Variants in GPC5 observed in about 807,000 individuals in gnomAD.
GPC5 encodes the protein glypican 5.
GPC5 carries 47 observed loss-of-function variants against 53.9 expected under a neutral mutation model. That is an observed-to-expected ratio of 0.87 (90% CI 0.69 to 1.11). The LOEUF is 1.11. Ranked by LOEUF, GPC5 falls within the 50% of genes most tolerant of loss-of-function variation. GPC5 has a pLI of 0.00. For synonymous variants in GPC5, 286 were observed against 263.3 expected (o/e 1.09, Z -0.84); for missense variants, 748 against 713.1 (o/e 1.05, Z -0.56).
rs1220114171 is a variant in GPC5 at position 91,864,189 on chromosome 13, T to C, written c.1281-43748T>C. On this transcript the variant is annotated intron_variant, in intron 5 of 7. Transcript: ENST00000377067. ...AGAGTTTTGAAGATTGAGGGAAAGGTTGAGCTTAAGTAATTTGATGGGCAA... is the reference window on the plus strand; with the variant it reads ...AGAGTTTTGAAGATTGAGGGAAAGGCTGAGCTTAAGTAATTTGATGGGCAA... 3.9e-5 allele frequency among the ~76,000 whole-genome samples: 6 copies of C among 152,288 alleles called. No homozygotes were observed. The South Asian group carries it at 1.0e-3, about 26-fold the overall frequency.
At chr13:92,594,090 A>G (rs1371572760) in intron 7 of GPC5, among the ~76,000 whole-genome samples, 2 of 152,178 alleles carry the variant, frequency 1.3e-5, no homozygotes, top group Non-Finnish European at 2.9e-5. Context: ...TAGGCCAGAG[A>G]AGGTAAAATG....
intron 6 of GPC5, among the ~76,000 whole-genome samples, chr13:92,117,294 A>G (rs2041609192): frequency 6.6e-6 from 1 of 152,166 alleles, no homozygotes; most frequent in Non-Finnish European, 1.5e-5. Flanking sequence ...TCAGTTAACT[A>G]TATTTGTGTA....
intron 6 of GPC5, among the ~76,000 whole-genome samples, chr13:92,078,979 T>G (rs1320589740): frequency 6.6e-6 from 1 of 152,178 alleles, no homozygotes; most frequent in Admixed American, 6.6e-5. Flanking sequence ...TCCAGTTCCC[T>G]GGCCTCACTC....
At chr13:91,544,153 A>G (rs1298184780) in intron 2 of GPC5, among the ~76,000 whole-genome samples, 1 of 152,110 alleles carries the variant, frequency 6.6e-6, no homozygotes, top group East Asian at 1.9e-4. Flanking sequence ...ATAAGTTGGT[A>G]TAATTGGCTT....
intron 7 of GPC5, among the ~76,000 whole-genome samples, chr13:92,347,894 TATATATA>T (rs2043434773): frequency 1.0e-4 from 1 of 9,756 alleles, no homozygotes; most frequent in East Asian, 3.9e-3. Context: ...ATATATATTA[TATATATA>T]ATATATATAT....
intron 6 of GPC5, among the ~76,000 whole-genome samples, chr13:92,028,132 C>T (rs1048401021): frequency 1.3e-5 from 2 of 151,984 alleles, no homozygotes; most frequent in Admixed American, 6.6e-5. Flanking sequence ...TGTTTTAATC[C>T]GTATTTCAAA....
At chr13:91,747,369 C>T (rs529140858) in intron 4 of GPC5, among the ~76,000 whole-genome samples, 2 of 152,268 alleles carry the variant, frequency 1.3e-5, no homozygotes, top group South Asian at 4.1e-4. Context: ...AGCAATGAAG[C>T]AATAACTATG....
intron 7 of GPC5, among the ~76,000 whole-genome samples, chr13:92,639,599 A>G (rs1044564937): frequency 1.3e-5 from 2 of 152,236 alleles, no homozygotes; most frequent in African/African-American, 4.8e-5. Context: ...AAGATAATCT[A>G]TATAGTGCTC....
At chr13:92,116,460 T>C (rs1180176708) in intron 6 of GPC5, among the ~76,000 whole-genome samples, 1 of 152,216 alleles carries the variant, frequency 6.6e-6, no homozygotes, top group Non-Finnish European at 1.5e-5. Context: ...TTTGTGATTC[T>C]TTGTCATGGC....
chr13:92,460,016 C>T (rs907888051), intron 7 of GPC5, among the ~76,000 whole-genome samples: 3 of 151,942 alleles, frequency 2.0e-5, no homozygotes, highest in African/African-American at 7.3e-5. Flanking sequence ...ACAAAATATC[C>T]TGTAAATTAT....
chr13:91,408,043 C>A (rs181060393), intron 1 of GPC5, among the ~76,000 whole-genome samples: 4 of 152,238 alleles, frequency 2.6e-5, no homozygotes, highest in Admixed American at 1.3e-4. Context: ...CACCTAGTTA[C>A]CAATTTTGTT....
At chr13:92,435,533 G>A (rs1370370917) in intron 7 of GPC5, among the ~76,000 whole-genome samples, 1 of 152,106 alleles carries the variant, frequency 6.6e-6, no homozygotes, top group Non-Finnish European at 1.5e-5. Context: ...ATTTAAAAAG[G>A]TACTGACATC....
chr13:92,258,441 A>G (rs2042742440), intron 7 of GPC5, among the ~76,000 whole-genome samples: 1 of 152,232 alleles, frequency 6.6e-6, no homozygotes, highest in African/African-American at 2.4e-5. Flanking sequence ...ATATGGGTGC[A>G]GTCCAATGGT....
intron 6 of GPC5, among the ~76,000 whole-genome samples, chr13:92,002,772 G>T (rs1317392513): frequency 6.6e-6 from 1 of 152,054 alleles, no homozygotes; most frequent in Non-Finnish European, 1.5e-5. Context: ...ACTACAGGCT[G>T]GTGTATCTTA....
intron 2 of GPC5, among the ~76,000 whole-genome samples, chr13:91,519,004 C>T (rs887244572): frequency 6.6e-6 from 1 of 152,182 alleles, no homozygotes; most frequent in Non-Finnish European, 1.5e-5. Flanking sequence ...TTTTACTATC[C>T]TGGAGATCTA....
At chr13:92,859,655 AATAGAT>A in intron 7 of GPC5, among the ~76,000 whole-genome samples, 1 of 152,244 alleles carries the variant, frequency 6.6e-6, no homozygotes, top group South Asian at 2.1e-4. Flanking sequence ...TGGTATATTT[AATAGAT>A]ATACTTTTAA....
chr13:91,750,468 G>A (rs150336709), intron 4 of GPC5, among the ~76,000 whole-genome samples: 1 of 152,226 alleles, frequency 6.6e-6, no homozygotes, highest in East Asian at 1.9e-4. Context: ...TCTCATAACA[G>A]TAGAGAAATA....
intron 7 of GPC5, among the ~76,000 whole-genome samples, chr13:92,228,958 T>TTA (rs2042509457): frequency 6.6e-6 from 1 of 152,098 alleles, no homozygotes; most frequent in Non-Finnish European, 1.5e-5. Context: ...AAAATAATGA[T>TTA]TATATATATC....
intron 7 of GPC5, among the ~76,000 whole-genome samples, chr13:92,278,479 C>CA (rs1214821455): frequency 6.6e-6 from 1 of 151,936 alleles, no homozygotes; most frequent in Admixed American, 6.6e-5. Flanking sequence ...AAGTTAGCAT[C>CA]AATATTTAAA....
Sources: gnomAD v4.1 joint callset for allele counts (sites outside exome capture counted in the v4.1 genomes callset) on GRCh38, gnomAD v4.1.1 for gene constraint, MANE v1.5 for transcripts, NCBI Gene and HGNC (gene_info 2026-07-23, HGNC 2026-07-21) for gene names.